RNF212B: variants seen among roughly 807,000 people sequenced by gnomAD.
RNF212B encodes the protein E3 ubiquitin-protein ligase RNF212B.
A neutral mutation model predicts 55.5 loss-of-function variants in RNF212B; 52 were observed. The observed-to-expected ratio is 0.94, with a 90% confidence interval of 0.75 to 1.18. The LOEUF is 1.18. RNF212B is among the 50% of genes most tolerant of loss of function. The pLI is 0.00. For missense variants in RNF212B, 289 were observed against 350.4 expected (o/e 0.82, Z 1.40); for synonymous variants, 99 against 121.4 (o/e 0.82, Z 1.21).
At chr14:23,251,498 A>T (rs1274282744) in intron 4 of RNF212B, among the ~76,000 whole-genome samples, 1 of 152,212 alleles carries the variant, frequency 6.6e-6, no homozygotes, top group East Asian at 1.9e-4. Context: ...TACTTTGTTT[A>T]TTATTACCAG....
At chr14:23,192,232 C>A (rs1490582996) in intron 1 of RNF212B, among the ~76,000 whole-genome samples, 2 of 152,124 alleles carry the variant, frequency 1.3e-5, no homozygotes, top group Non-Finnish European at 2.9e-5. Flanking sequence ...AAGACACATG[C>A]ACATGTATGT....
At chr14:23,208,863 A>C (rs188746037) in intron 2 of RNF212B, among the ~76,000 whole-genome samples, 4 of 142,332 alleles carry the variant, frequency 2.8e-5, no homozygotes, top group Non-Finnish European at 4.5e-5. Context: ...GGTTCACGCC[A>C]TTCTCCTGAC....
intron 2 of RNF212B, among the ~76,000 whole-genome samples, chr14:23,217,733 G>A (rs934526984): frequency 5.3e-5 from 8 of 152,072 alleles, no homozygotes; most frequent in Non-Finnish European, 8.8e-5. Flanking sequence ...ACCCAGGTCT[G>A]TTTGAATACC....
intron 4 of RNF212B, among the ~76,000 whole-genome samples, chr14:23,251,659 T>C (rs1884413475): frequency 6.6e-6 from 1 of 151,858 alleles, no homozygotes; most frequent in South Asian, 2.1e-4. Context: ...CTACTAAAAA[T>C]ACCAAAAGTA....
chr14:23,237,264 A>G, upstream of RNF212B, among the ~76,000 whole-genome samples: 1 of 151,602 alleles, frequency 6.6e-6, no homozygotes, highest in Non-Finnish European at 1.5e-5. Flanking sequence ...TCAGTAGCTG[A>G]GATTACAGGT....
chr14:23,210,543 T>C (rs59884945), intron 2 of RNF212B, among the ~76,000 whole-genome samples: 95,828 of 151,872 alleles, frequency 0.63, 30,438 homozygotes, highest in Admixed American at 0.71. Context: ...TTTGGGAGGC[T>C]GAGGCGGGTG....
In RNF212B at chr14:23,240,308, C is replaced by G. The variant is rs749679746; in HGVS notation, c.-1-37C>G. On this transcript the variant is annotated intron_variant, in intron 1 of 14. Coordinates refer to ENST00000430154, the MANE Select transcript of RNF212B (RefSeq NM_001282322.3). Reference sequence around the variant, plus strand: ...GGAACAGCTATAATTATGTTATTCTCTAGGTTATTCTTACTCTTTCTCTTT... The same window carrying G: ...GGAACAGCTATAATTATGTTATTCTGTAGGTTATTCTTACTCTTTCTCTTT... The G allele has an allele frequency of 2.2e-6, 3 of 1,341,402 alleles. No homozygotes were observed. The South Asian group carries it at 3.8e-5, about 17-fold the overall frequency. The allele number at this position is 1,341,402 out of a possible 1,614,324, so 83.1% of individuals were successfully genotyped here. A position where few individuals can be genotyped will look rare whatever the true frequency, so the allele number is the denominator to read the frequency against.
intron 2 of RNF212B, among the ~76,000 whole-genome samples, chr14:23,231,610 T>A (rs1443354662): frequency 6.6e-6 from 1 of 151,720 alleles, no homozygotes; most frequent in Non-Finnish European, 1.5e-5. Flanking sequence ...TTTAAAGAGC[T>A]CCCCCTCTCC....
rs769721327 is a variant in RNF212B at position 23,187,417 on chromosome 14, C to A, written c.-79+1927C>A. 1.1e-3 allele frequency among the ~76,000 whole-genome samples: 165 copies of A among 152,190 alleles called. 2 individuals carry two copies. Among genetic ancestry groups the A allele is most frequent in the Non-Finnish European group, 2.0e-3 (134 of 67,998 alleles). ...AGGCTGGAGTGTAGTGGCACAATCACAGCTCACAGCAGCCTCAAACTCCTG... is the reference window on the plus strand; with the variant it reads ...AGGCTGGAGTGTAGTGGCACAATCAAAGCTCACAGCAGCCTCAAACTCCTG... On this transcript the variant is annotated intron_variant, in intron 1 of 15. Transcript: ENST00000399910.
chr14:23,229,220 T>TTATATATATA lies in RNF212B; in HGVS notation c.-1-11092_-1-11083dup, dbSNP rs61656270. Among the ~76,000 whole-genome samples, 441 of 64,754 alleles carry TTATATATATA rather than the reference T, an allele frequency of 6.8e-3. 21 individuals carry two copies. The highest frequency in any genetic ancestry group is 0.011 in the Middle Eastern group (1 of 92). The allele number at this position is 64,754 out of a possible 152,430, so 42.5% of individuals were successfully genotyped here. A position where few individuals can be genotyped will look rare whatever the true frequency, so the allele number is the denominator to read the frequency against. On this transcript the variant is annotated intron_variant, in intron 2 of 15. Coordinates refer to the RNF212B transcript ENST00000399910. ...ATTTCCTTTATGGCTGAATAATATT[T>TTATATATATA]TATATATATATATATATATATATAT...
intron 4 of RNF212B, among the ~76,000 whole-genome samples, chr14:23,255,526 G>T (rs1249171707): frequency 6.6e-6 from 1 of 152,104 alleles, no homozygotes; most frequent in Non-Finnish European, 1.5e-5. Context: ...TCCAGACAAT[G>T]TTAAGTGTTA....
chr14:23,196,208 C>T (rs961682273), intron 2 of RNF212B, among the ~76,000 whole-genome samples: 2 of 152,052 alleles, frequency 1.3e-5, no homozygotes, highest in African/African-American at 4.8e-5. Flanking sequence ...TACCAGGTGC[C>T]GAAAAATTTC....
chr14:23,195,126 A>G (rs542034305), intron 2 of RNF212B, among the ~76,000 whole-genome samples: 1 of 152,092 alleles, frequency 6.6e-6, no homozygotes, highest in African/African-American at 2.4e-5. Flanking sequence ...TTAACTGACA[A>G]TGAAAGTACT....
At chr14:23,259,058 G>T (rs1885084022) in intron 5 of RNF212B, among the ~76,000 whole-genome samples, 1 of 151,836 alleles carries the variant, frequency 6.6e-6, no homozygotes, top group Non-Finnish European at 1.5e-5. Flanking sequence ...CAGACATGGT[G>T]GTTCACACCT....
rs145825210 is a variant in RNF212B, at chr14:23,228,684, CAAG to C, written c.-1-11652_-1-11650del. On this transcript the variant is annotated intron_variant, in intron 2 of 15. Transcript: ENST00000399910. ...AACAAAACAAAACAAAACAAAAACACAAGAAGAAGAAAGAACAAAGAGGATCAA... is the reference window on the plus strand; with the variant it reads ...AACAAAACAAAACAAAACAAAAACACAAGAAGAAAGAACAAAGAGGATCAA... Among the ~76,000 whole-genome samples the C allele has an allele frequency of 8.9e-3, 1,351 of 151,396 alleles. 16 individuals carry two copies. The highest frequency in any genetic ancestry group is 0.031 in the African/African-American group (1,266 of 41,166).
chr14:23,229,220 TTATATATATA>T (rs61656270), intron 2 of RNF212B, among the ~76,000 whole-genome samples: 3,934 of 64,862 alleles, frequency 0.061, 160 homozygotes, highest in Middle Eastern at 0.16. Context: ...GAATAATATT[TTATATATATA>T]TATATATATA....
chr14:23,212,420 A>G (rs1040114184), intron 2 of RNF212B, among the ~76,000 whole-genome samples: 2 of 152,222 alleles, frequency 1.3e-5, no homozygotes, highest in African/African-American at 4.8e-5. Flanking sequence ...ATCTATCTAG[A>G]AAATCAAATG....
rs759715931 is a variant in RNF212B, at chr14:23,269,907, C to A, written c.719C>A (p.Pro240Gln). Residue 240 changes from proline (P) to glutamine (Q), a missense_variant, in exon 13 of 15, where the codon CCA (proline) becomes CAA (glutamine). Transcript: ENST00000430154. ...GGACAGGGGATTTTTTCTTTCAGAC[C>A]ATCCCCAAATGGGCATTCAGGCCAC... is the stretch of plus-strand genomic sequence containing the variant. ...SSGQGIFSFR[P>Q]SPNGHSGHTR... The A allele has an allele frequency of 4.5e-6, 7 of 1,549,630 alleles. 1 individual carries two copies. The South Asian group carries it at 7.1e-5, about 16-fold the overall frequency.
At chr14:23,260,075 C>T (rs2140471836) in intron 6 of RNF212B, 131 bp downstream of exon 6, 1 of 536,994 alleles carries the variant, frequency 1.9e-6, no homozygotes, top group East Asian at 3.2e-5. Flanking sequence ...ATTTGTATAA[C>T]AAGCACACTA....
Sources: allele counts gnomAD v4.1 joint callset (sites outside exome capture counted in the v4.1 genomes callset), GRCh38; gene constraint gnomAD v4.1.1; transcripts MANE v1.5; gene names NCBI Gene and HGNC (gene_info 2026-07-23, HGNC 2026-07-21).